MCEE: variants seen among roughly 807,000 people sequenced by gnomAD.
MCEE encodes the protein methylmalonyl-CoA epimerase, mitochondrial.
A neutral mutation model predicts 12.9 loss-of-function variants in MCEE; 6 were observed. The observed-to-expected ratio is 0.47, with a 90% CI of 0.26 to 0.92. MCEE has a LOEUF of 0.92. Among genes scored for constraint, MCEE ranks in the 40% least tolerant of loss-of-function variants. The probability of loss-of-function intolerance (pLI) is 0.16; values close to 1 mark genes in which losing one functional copy is unlikely to be tolerated. For missense variants in MCEE, 214 were observed against 212.1 expected (o/e 1.01, Z -0.05); for synonymous variants, 78 against 77.9 (o/e 1.00, Z -0.01).
intron 2 of MCEE, among the ~76,000 whole-genome samples, chr2:71,120,009 T>A (rs543400647): frequency 6.7e-6 from 1 of 149,654 alleles, no homozygotes; most frequent in East Asian, 1.9e-4. Context: ...GTAATGATTG[T>A]GCCACTGCAC....
At chr2:71,118,086 T>A (rs958854727) in intron 2 of MCEE, among the ~76,000 whole-genome samples, 1 of 149,952 alleles carries the variant, frequency 6.7e-6, no homozygotes, top group African/African-American at 2.5e-5. Flanking sequence ...CCCGGAAGCG[T>A]CCCAGTGGAT....
At chr2:71,115,095 GCA>G (rs1438153924) in intron 2 of MCEE, among the ~76,000 whole-genome samples, 1 of 152,148 alleles carries the variant, frequency 6.6e-6, no homozygotes, top group Non-Finnish European at 1.5e-5. Context: ...TCAAGCCTGG[GCA>G]CAGTGTTTCA....
chr2:71,127,317 A>C (rs1316451794), intron 1 of MCEE, among the ~76,000 whole-genome samples: 1 of 152,208 alleles, frequency 6.6e-6, no homozygotes, highest in Non-Finnish European at 1.5e-5. Context: ...CAGATTTTGC[A>C]TTTATTTCAG....
chr2:71,126,956 C>T (rs1001028304), intron 1 of MCEE, among the ~76,000 whole-genome samples: 21 of 152,326 alleles, frequency 1.4e-4, no homozygotes, highest in African/African-American at 5.0e-4. Context: ...TTTTAGATTT[C>T]TCTGCCTCCC....
chr2:71,111,506 G>T (rs867319763), intron 2 of MCEE, among the ~76,000 whole-genome samples: 1 of 152,218 alleles, frequency 6.6e-6, no homozygotes, highest in Middle Eastern at 3.4e-3. Context: ...CAATGTTACG[G>T]AAATTACTAT....
intron 1 of MCEE, chr2:71,129,945 A>G (rs960584660): frequency 1.1e-5 from 7 of 613,792 alleles, no homozygotes; most frequent in Admixed American, 2.5e-5. Context: ...GCAGAGCCCA[A>G]GGCGCACAGC....
chr2:71,120,919 T>C (rs1297174998), intron 2 of MCEE, among the ~76,000 whole-genome samples: 1 of 152,054 alleles, frequency 6.6e-6, no homozygotes, highest in Non-Finnish European at 1.5e-5. Context: ...TGTATTTTAG[T>C]AGAGATGGGG....
At chr2:71,120,077 G>A (rs1572889311) in intron 2 of MCEE, among the ~76,000 whole-genome samples, 1 of 150,030 alleles carries the variant, frequency 6.7e-6, no homozygotes, top group Middle Eastern at 3.4e-3. Flanking sequence ...TGTAGAGGGA[G>A]AAGGGTGTCT....
At chr2:71,115,132 A>G (rs1006493753) in intron 2 of MCEE, among the ~76,000 whole-genome samples, 1 of 152,170 alleles carries the variant, frequency 6.6e-6, no homozygotes, top group Non-Finnish European at 1.5e-5. Context: ...GTTCATGCCT[A>G]TAATCCCAGC....
In MCEE at chr2:71,125,207, ATATATTTT is replaced by A. The variant is rs1345652157; in HGVS notation, c.41-672_41-665del. 3.1e-3 allele frequency among the ~76,000 whole-genome samples: 143 copies of A among 46,596 alleles called. 2 individuals are homozygous for A. The highest frequency in any genetic ancestry group is 8.5e-3 in the African/African-American group (138 of 16,234). The allele number at this position is 46,596 out of a possible 152,430, so 30.6% of individuals were successfully genotyped here. ...TATATAAATATATATATATATATAT[ATATATTTT>A]TTTTTTTTTTTGAGACGGAGTCTCA... On this transcript the variant is annotated intron_variant, in intron 1 of 2. Coordinates refer to ENST00000244217, the MANE Select transcript of MCEE (RefSeq NM_032601.4).
intron 2 of MCEE, among the ~76,000 whole-genome samples, chr2:71,111,153 T>A (rs1420315498): frequency 6.6e-6 from 1 of 152,204 alleles, no homozygotes; most frequent in Admixed American, 6.5e-5. Flanking sequence ...ATTCTACTTG[T>A]ATTCCTGATA....
intron 2 of MCEE, among the ~76,000 whole-genome samples, chr2:71,116,496 T>C (rs1380375475): frequency 2.0e-5 from 3 of 149,484 alleles, no homozygotes; most frequent in African/African-American, 5.1e-5. Context: ...AAATTAAGAG[T>C]GACAATAACC....
chr2:71,120,430 A>G (rs553006540), intron 2 of MCEE, among the ~76,000 whole-genome samples: 1 of 150,504 alleles, frequency 6.6e-6, no homozygotes, highest in South Asian at 2.1e-4. Context: ...GAGCAAGAGA[A>G]GAGATGGGAC....
chr2:71,109,905 G>C lies in MCEE; in HGVS notation c.*65C>G, dbSNP rs1672850562. ...AAGCAGTGAAGGACTCAATGTCATA[G>C]TACATTTTGATAGTATTTGATAGGC... On this transcript the variant is annotated 3_prime_UTR_variant, in exon 3 of 3. Transcript: ENST00000244217. The C allele has an allele frequency of 6.6e-7, 1 of 1,523,000 alleles. No individual in the cohort carries two copies. The highest frequency in any genetic ancestry group is 1.1e-5 in the South Asian group (1 of 88,964). 94.3% of individuals were successfully genotyped at this position (1,523,000 alleles called of 1,614,324 possible).
At chr2:71,121,521 C>T (rs1365043818) in intron 2 of MCEE, among the ~76,000 whole-genome samples, 1 of 152,210 alleles carries the variant, frequency 6.6e-6, no homozygotes, top group Non-Finnish European at 1.5e-5. Context: ...TCTCCTCTTA[C>T]CTACCTTCAT....
chr2:71,111,862 C>T lies in MCEE; in HGVS notation c.379-1740G>A, dbSNP rs1231083345. Among the ~76,000 whole-genome samples, 5 of 152,308 alleles carry T rather than the reference C, an allele frequency of 3.3e-5. No homozygotes were observed. In the East Asian group the frequency reaches 7.7e-4, roughly 24 times the overall value. On this transcript the variant is annotated intron_variant, in intron 2 of 2. Coordinates refer to ENST00000244217, the MANE Select transcript of MCEE (RefSeq NM_032601.4). ...AGGGCTCATCTTGTTTGTTTACCCTCTCTCAGAAATCAATTCCTGTGCTGC... is the reference window on the plus strand; with the variant it reads ...AGGGCTCATCTTGTTTGTTTACCCTTTCTCAGAAATCAATTCCTGTGCTGC...
chr2:71,126,680 G>C (rs1673240696), intron 1 of MCEE, among the ~76,000 whole-genome samples: 2 of 150,724 alleles, frequency 1.3e-5, no homozygotes. Flanking sequence ...AAAAGAGACA[G>C]AGCTTTATAT....
At chr2:71,129,286 A>T (rs556657796) in intron 1 of MCEE, among the ~76,000 whole-genome samples, 11 of 152,286 alleles carry the variant, frequency 7.2e-5, no homozygotes, top group African/African-American at 2.6e-4. Flanking sequence ...CCTTTTCCCA[A>T]ATATTCATTT....
chr2:71,124,688 A>G, intron 1 of MCEE, 145 bp from the exon 2 acceptor site: 1 of 671,928 alleles, frequency 1.5e-6, no homozygotes, highest in Non-Finnish European at 2.5e-6. Context: ...AAACCAGGAG[A>G]TAAATGGAAA....
Sources: allele counts gnomAD v4.1 joint callset (sites outside exome capture counted in the v4.1 genomes callset), GRCh38; gene constraint gnomAD v4.1.1; transcripts MANE v1.5; gene names NCBI Gene and HGNC (gene_info 2026-07-23, HGNC 2026-07-21).